Variants in ATRIP observed in about 807,000 individuals in gnomAD.
ATRIP encodes the protein ATR interacting protein.
Under a neutral mutation model 78.1 loss-of-function variants are expected in ATRIP, and 44 were observed. That is an observed-to-expected ratio of 0.56 (90% CI 0.44 to 0.72). ATRIP has a LOEUF of 0.72. ATRIP is among the 30% of genes least tolerant of loss of function. The pLI, the probability that ATRIP is intolerant of heterozygous loss-of-function variation, is 0.00. For missense variants in ATRIP, 927 were observed against 980.2 expected (o/e 0.95, Z 0.72); for synonymous variants, 388 against 408.9 (o/e 0.95, Z 0.62).
intron 1 of ATRIP, 55 bp from the exon 2 acceptor site, chr3:48,449,982 G>A: frequency 6.5e-7 from 1 of 1,530,490 alleles, no homozygotes; most frequent in Non-Finnish European, 8.8e-7. Flanking sequence ...AGCATTTTCT[G>A]GCAAAAGTGG....
intron 3 of ATRIP, among the ~76,000 whole-genome samples, chr3:48,453,341 A>G (rs1575277077): frequency 6.6e-6 from 1 of 152,238 alleles, no homozygotes; most frequent in Admixed American, 6.5e-5. Flanking sequence ...AACTTTAAGC[A>G]CTTACCTGTG....
intron 8 of ATRIP, among the ~76,000 whole-genome samples, chr3:48,461,937 C>T (rs913012861): frequency 1.3e-5 from 2 of 152,152 alleles, no homozygotes; most frequent in Admixed American, 1.3e-4. Flanking sequence ...AATGCCGGAC[C>T]TCAGGTGATC....
intron 6 of ATRIP, 74 bp from the exon 7 acceptor site, chr3:48,459,713 T>TA: frequency 6.4e-7 from 1 of 1,568,564 alleles, no homozygotes; most frequent in Non-Finnish European, 8.6e-7. Flanking sequence ...AAAGAATCCT[T>TA]ACTGTTTCCT....
rs745842797 is a variant in ATRIP, at chr3:48,460,708, G to A, written c.1654G>A (p.Ala552Thr). 21 of 1,613,956 alleles carry A rather than the reference G, an allele frequency of 1.3e-5. No individual in the cohort carries two copies. The highest frequency in any genetic ancestry group is 1.7e-5 in the Non-Finnish European group (20 of 1,179,918). Residue 552 changes from alanine to threonine, a missense_variant, in exon 8 of 13, where the codon GCA becomes ACA. Coordinates refer to ENST00000320211, the MANE Select transcript of ATRIP (RefSeq NM_130384.3). ...LLHLLAFSSA[A>T]TGHLQASVLT... ...TCACCTGTTGGCTTTCTCTTCTGCA[G>A]CAACAGGTCACCTTCAAGCCAGTGT...
In ATRIP at chr3:48,465,595, C is replaced by T; in HGVS notation, c.*41C>T. On this transcript the variant is annotated 3_prime_UTR_variant, in exon 13 of 13. Transcript: ENST00000320211. ...GCCACATGGTGGCACCAGCACCACTCCTTTCCTTACCACATCAACTGATTA... is the reference window on the plus strand; with the variant it reads ...GCCACATGGTGGCACCAGCACCACTTCTTTCCTTACCACATCAACTGATTA... 3 of 1,541,692 alleles carry T rather than the reference C, an allele frequency of 1.9e-6. No individual in the cohort carries two copies. Among genetic ancestry groups the T allele is most frequent in the Non-Finnish European group, 2.7e-6 (3 of 1,114,672 alleles).
intron 12 of ATRIP, 137 bp from the exon 13 acceptor site, chr3:48,465,350 G>T (rs2040250655): frequency 1.1e-6 from 1 of 937,304 alleles, no homozygotes; most frequent in Admixed American, 2.6e-5. Flanking sequence ...CACTTTGTTT[G>T]CAGTAGCTGA....
Position 48,460,511 on chromosome 3 carries a change from T to A in ATRIP, c.1457T>A (p.Val486Glu). The A allele has an allele frequency of 6.2e-7, 1 of 1,613,306 alleles. No homozygotes were observed. Among genetic ancestry groups the A allele is most frequent in the Non-Finnish European group, 8.5e-7 (1 of 1,179,548 alleles). The change falls in exon 8 of 13, where the codon GTG becomes GAG. Residue 486 changes from valine (V) to glutamate (E), a missense_variant. Coordinates refer to ENST00000320211, the MANE Select transcript of ATRIP (RefSeq NM_130384.3). ...VTALSILQHL[V>E]CHSGAVVSLL... ...GCACTTAGCATTCTTCAGCACCTGG[T>A]GTGCCACAGCGGAGCAGTCGTCTCC...
chr3:48,467,570 T>C lies in ATRIP; in HGVS notation c.*2016T>C, dbSNP rs1453857275. 6.2e-7 allele frequency: 1 copy of C among 1,613,410 alleles called. No homozygotes were observed. The highest frequency in any genetic ancestry group is 8.5e-7 in the Non-Finnish European group (1 of 1,179,774). ...TGACCTTGGCAGTAGCCACACTGTATGGACTATCCCTGGCCACACCTGGGG... is the reference window on the plus strand; with the variant it reads ...TGACCTTGGCAGTAGCCACACTGTACGGACTATCCCTGGCCACACCTGGGG... On this transcript the variant is annotated 3_prime_UTR_variant, in exon 13 of 13. Transcript: ENST00000320211.
intron 3 of ATRIP, among the ~76,000 whole-genome samples, chr3:48,452,870 ATT>A (rs71074246): frequency 1.1e-4 from 13 of 117,500 alleles, no homozygotes; most frequent in African/African-American, 2.3e-4. Context: ...AAATTATTGA[ATT>A]TTTTTTTTTT....
chr3:48,460,284 C>G lies in ATRIP; in HGVS notation c.1230C>G (p.Leu410=). 1.2e-6 allele frequency: 2 copies of G among 1,614,154 alleles called. No homozygotes were observed. Among genetic ancestry groups the G allele is most frequent in the Non-Finnish European group, 1.7e-6 (2 of 1,180,014 alleles). Residue 410 remains leucine, a synonymous_variant, in exon 8 of 13, where the codon CTC becomes CTG. Coordinates refer to ENST00000320211, the MANE Select transcript of ATRIP (RefSeq NM_130384.3). ...AGGGAGGCAGAAGGGCCTTCCCACT[C>G]TGCCAGCTTCCTGGAGCCGTGCATT... ...PAEGGRRAFP[L]CQLPGAVHFL...
Position 48,460,678 on chromosome 3 carries a change from C to T in ATRIP, c.1624C>T (p.Leu542Phe), listed in dbSNP as rs768083756. Reference protein sequence around the residue: ...DQGQHPLLKMLLHLLAFSSAA... With the variant: ...DQGQHPLLKMFLHLLAFSSAA... The stretch of plus-strand genomic sequence containing the variant: ...AGGACAGCACCCACTGTTGAAGATG[C>T]TTCTTCACCTGTTGGCTTTCTCTTC... Residue 542 changes from leucine (L) to phenylalanine (F), a missense_variant, in exon 8 of 13, where the codon CTT becomes TTT. By Grantham distance (22) the Leu-to-Phe change is conservative. Transcript: ENST00000320211. 5.2e-5 allele frequency: 84 copies of T among 1,614,148 alleles called. No individual in the cohort carries two copies. Among genetic ancestry groups the T allele is most frequent in the Middle Eastern group, 3.3e-4 (2 of 6,062 alleles).
chr3:48,447,062 C>G lies in ATRIP; in HGVS notation c.217C>G (p.Gln73Glu). 2 of 1,558,218 alleles carry G rather than the reference C, an allele frequency of 1.3e-6. No homozygotes were observed. Among genetic ancestry groups the G allele is most frequent in the Non-Finnish European group, 1.7e-6 (2 of 1,154,832 alleles). Residue 73 changes from glutamine (Q) to glutamate (E), a missense_variant, in exon 1 of 13, where the codon CAA becomes GAA. Coordinates refer to ENST00000320211, the MANE Select transcript of ATRIP (RefSeq NM_130384.3). ...CACCCTCGCGTCACAGGCCCTGAGC[C>G]AATGTCCGGCCGCGGCTCGGGACGT... ...LDTLASQALS[Q>E]CPAAARDVSS...
Position 48,460,471 on chromosome 3 carries a change from G to A in ATRIP, c.1417G>A (p.Gly473Ser). 1 of 1,610,956 alleles carries A rather than the reference G, an allele frequency of 6.2e-7. No individual in the cohort carries two copies. Among genetic ancestry groups the A allele is most frequent in the Non-Finnish European group, 8.5e-7 (1 of 1,178,218 alleles). Residue 473 changes from glycine (G) to serine (S), a missense_variant, in exon 8 of 13, where the codon GGC becomes AGC. Coordinates refer to ENST00000320211, the MANE Select transcript of ATRIP (RefSeq NM_130384.3). ...TGAGGACTCAGTGTGCATCCTGGAAGGCTTCTCTGTGACTGCACTTAGCAT... is the reference window on the plus strand; with the variant it reads ...TGAGGACTCAGTGTGCATCCTGGAAAGCTTCTCTGTGACTGCACTTAGCAT... ...NPEDSVCILE[G>S]FSVTALSILQ...
At chr3:48,451,174 A>G (rs192237836) in intron 2 of ATRIP, among the ~76,000 whole-genome samples, 7 of 151,304 alleles carry the variant, frequency 4.6e-5, no homozygotes, top group Admixed American at 4.6e-4. Flanking sequence ...AGGCGACAAT[A>G]GCAAGACTCC....
Position 48,451,867 on chromosome 3 carries a change from C to T in ATRIP, c.520C>T (p.Leu174Phe), listed in dbSNP as rs1285361674. The change falls in exon 3 of 13, where the codon CTC becomes TTC. Residue 174 changes from leucine to phenylalanine, a missense_variant. Leu to Phe is a conservative substitution (Grantham distance 22). Transcript: ENST00000320211. ...FLLEQEKTQA[L>F]SDKEKEFSKK... ...TCTTGAGCAAGAGAAAACCCAAGCA[C>T]TCAGTGACAAGGAAAAGGAATTCTC... is the stretch of plus-strand genomic sequence containing the variant. 2 of 1,609,444 alleles carry T rather than the reference C, an allele frequency of 1.2e-6. No individual in the cohort carries two copies. The highest frequency in any genetic ancestry group is 1.7e-6 in the Non-Finnish European group (2 of 1,177,616).
At chr3:48,462,458 C>T (rs2040144220) in intron 8 of ATRIP, among the ~76,000 whole-genome samples, 1 of 152,192 alleles carries the variant, frequency 6.6e-6, no homozygotes, top group African/African-American at 2.4e-5. Flanking sequence ...AATCCCAGCA[C>T]TTTAGGAAGC....
chr3:48,465,425 G>A, intron 12 of ATRIP, 62 bp from the exon 13 acceptor site: 2 of 1,524,328 alleles, frequency 1.3e-6, no homozygotes, highest in Non-Finnish European at 1.8e-6. Context: ...AGGAGAGGTG[G>A]GACCTGCCCT....
At chr3:48,460,827 C>G (rs1167718843) in intron 8 of ATRIP, 28 bp downstream of exon 8, 1 of 1,557,850 alleles carries the variant, frequency 6.4e-7, no homozygotes, top group African/African-American at 1.4e-5. Context: ...AGTCATGATT[C>G]TTTGTGGGTC....
At position 48,467,024 on chromosome 3, in the gene ATRIP, A is replaced by G. The variant is rs1242019591; in HGVS notation, c.*1470A>G. The G allele has an allele frequency of 3.1e-6, 5 of 1,613,852 alleles. No individual in the cohort carries two copies. In the African/African-American group the frequency reaches 5.3e-5, roughly 17 times the overall value. On this transcript the variant is annotated 3_prime_UTR_variant, in exon 13 of 13. Coordinates refer to ENST00000320211, the MANE Select transcript of ATRIP (RefSeq NM_130384.3). Reference sequence around the variant, plus strand: ...AGCCACAGCCCTGGTGCCTGGTGGCACACAATGGTGACCGCTACGACTTCC... The same window carrying G: ...AGCCACAGCCCTGGTGCCTGGTGGCGCACAATGGTGACCGCTACGACTTCC...
Sources: allele counts gnomAD v4.1 joint callset (sites outside exome capture counted in the v4.1 genomes callset), GRCh38; gene constraint gnomAD v4.1.1; transcripts MANE v1.5; gene names NCBI Gene and HGNC (gene_info 2026-07-23, HGNC 2026-07-21).